Variants in TSPAN1 observed in about 807,000 individuals in gnomAD.
TSPAN1 encodes the protein tetraspanin-1.
Under a neutral mutation model 26.9 loss-of-function variants are expected in TSPAN1, and 23 were observed. The ratio of observed to expected loss-of-function variants is 0.85; its 90% CI spans 0.62 to 1.21. The LOEUF is 1.21. Ranked by LOEUF, TSPAN1 falls within the 50% of genes most tolerant of loss-of-function variation. TSPAN1 has a pLI of 0.00. For missense variants in TSPAN1, 283 were observed against 298.4 expected, an observed-to-expected ratio of 0.95 and a Z score of 0.38; for synonymous variants, 115 against 114.8, an observed-to-expected ratio of 1.00 and a Z score of -0.01.
At chr1:46,193,374 C>T in the TSPAN1 span, 7 of 1,612,866 alleles carry the variant, frequency 4.3e-6, no homozygotes, top group African/African-American at 1.3e-5. Flanking sequence ...ACAGTGCCAC[C>T]ACATCCATGG....
At chr1:46,190,118 AGAT>A (rs1657644482), downstream of TSPAN1, 1 of 825,048 alleles carries the variant, frequency 1.2e-6, no homozygotes, top group East Asian at 3.1e-5. Context: ...TTTTTTTTTG[AGAT>A]GGAGTCTTGC....
downstream of TSPAN1, chr1:46,190,656 A>G (rs1270692632): frequency 1.3e-6 from 2 of 1,548,136 alleles, no homozygotes; most frequent in Non-Finnish European, 8.9e-7. Flanking sequence ...ATTGGAAGGG[A>G]CTTTCAGGGA....
intron 2 of TSPAN1, 116 bp downstream of exon 2, chr1:46,180,774 G>A: frequency 2.8e-6 from 1 of 357,662 alleles, no homozygotes; most frequent in Non-Finnish European, 5.2e-6. Flanking sequence ...AGTGTGGGGG[G>A]GAGCACAGGA....
chr1:46,185,256 G>T lies in TSPAN1; in HGVS notation c.626G>T (p.Arg209Leu), dbSNP rs375232447. ...GCFNQLLYDI[R>L]TNAVTVGGVA... is the part of the protein sequence containing the mutation. ...TTCAATCAGCTTTTGTATGACATCC[G>T]AACTAATGCAGTCACCGTGGGTGGT... The change falls in exon 8 of 9, where the codon CGA becomes CTA. Residue 209 changes from arginine to leucine, a missense_variant. Arg to Leu is a moderately radical substitution (Grantham distance 102). Coordinates refer to ENST00000372003, the MANE Select transcript of TSPAN1 (RefSeq NM_005727.4). 1.2e-6 allele frequency: 2 copies of T among 1,614,120 alleles called. No individual in the cohort carries two copies. Among genetic ancestry groups the T allele is most frequent in the Non-Finnish European group, 1.7e-6 (2 of 1,180,026 alleles).
Position 46,178,025 on chromosome 1 carries a change from T to C in TSPAN1, c.-141-2501T>C, listed in dbSNP as rs528453653. ...TCTTATGTGCCAAGCACCAGGGCCA[T>C]AGATGAATGTAATCTGGTCCCAATT... On this transcript the variant is annotated intron_variant, in intron 1 of 8. Coordinates refer to ENST00000372003, the MANE Select transcript of TSPAN1 (RefSeq NM_005727.4). Among the ~76,000 whole-genome samples, 4 of 152,268 alleles carry C rather than the reference T, an allele frequency of 2.6e-5. No individual in the cohort carries two copies. The South Asian group carries it at 8.3e-4, about 32-fold the overall frequency.
chr1:46,184,580 T>C lies in TSPAN1; in HGVS notation c.265-14T>C, dbSNP rs762508324. ...TGTCTCTCCCTAAAACCCAGACCCC[T>C]GTTCCCCACTCAGTTCTTCTTCATC... On this transcript the variant is annotated splice_polypyrimidine_tract_variant and intron_variant, in intron 4 of 8. Transcript: ENST00000372003. 184 of 1,613,930 alleles carry C rather than the reference T, an allele frequency of 1.1e-4. No individual in the cohort carries two copies. Among genetic ancestry groups the C allele is most frequent in the Non-Finnish European group, 1.5e-4 (172 of 1,179,980 alleles).
chr1:46,188,347 TC>T (rs977339703), downstream of TSPAN1, among the ~76,000 whole-genome samples: 2 of 152,252 alleles, frequency 1.3e-5, no homozygotes, highest in Non-Finnish European at 1.5e-5. Flanking sequence ...CTCCCCAGTA[TC>T]CCTTTTTGTT....
At chr1:46,183,338 G>A (rs1657354437) in intron 3 of TSPAN1, 1 of 152,284 alleles carries the variant, frequency 6.6e-6, no homozygotes, top group South Asian at 2.1e-4. Flanking sequence ...GGGCAAACAT[G>A]CCTGGAATCC....
At chr1:46,189,952 C>T (rs866019841), downstream of TSPAN1, 3 of 1,614,140 alleles carry the variant, frequency 1.9e-6, no homozygotes, top group Non-Finnish European at 8.5e-7. Context: ...AAAGAGTCTT[C>T]ACAAGGGTTC....
At chr1:46,195,064 T>A in the TSPAN1 span, 4 of 993,728 alleles carry the variant, frequency 4.0e-6, no homozygotes, top group Non-Finnish European at 6.5e-6. Flanking sequence ...AAATAGCTCA[T>A]TACATTATTG....
chr1:46,194,417 G>A, the TSPAN1 span: 12 of 1,614,180 alleles, frequency 7.4e-6, no homozygotes, highest in Admixed American at 5.0e-5. Context: ...GGAAGGATGC[G>A]GTTGTCATGG....
chr1:46,192,089 C>T, the TSPAN1 span: 6 of 1,612,922 alleles, frequency 3.7e-6, no homozygotes, highest in Non-Finnish European at 5.1e-6. Flanking sequence ...CTCCCTGCCT[C>T]CCACTCACGT....
chr1:46,190,065 G>A, downstream of TSPAN1: 1 of 1,500,418 alleles, frequency 6.7e-7, no homozygotes, highest in Non-Finnish European at 9.2e-7. Context: ...CCTGTACTTG[G>A]TTGAATGCTC....
chr1:46,185,830 T>G lies in TSPAN1; in HGVS notation c.*297T>G. On this transcript the variant is annotated 3_prime_UTR_variant, in exon 9 of 9. Coordinates refer to ENST00000372003, the MANE Select transcript of TSPAN1 (RefSeq NM_005727.4). Reference sequence around the variant, plus strand: ...CCCTTGATATGCCCCCTAGGCCTAGTGGTGATCCCAGTGCTCTACTGGGGG... The same window carrying G: ...CCCTTGATATGCCCCCTAGGCCTAGGGGTGATCCCAGTGCTCTACTGGGGG... 2.0e-6 allele frequency: 1 copy of G among 499,724 alleles called. No homozygotes were observed. The highest frequency in any genetic ancestry group is 3.6e-6 in the Non-Finnish European group (1 of 277,584). 31.0% of individuals were successfully genotyped at this position (499,724 alleles called of 1,614,324 possible). A position where few individuals can be genotyped will look rare whatever the true frequency, so the allele number is the denominator to read the frequency against.
At chr1:46,177,469 A>C (rs377554169) in intron 1 of TSPAN1, among the ~76,000 whole-genome samples, 10 of 152,230 alleles carry the variant, frequency 6.6e-5, no homozygotes, top group Non-Finnish European at 1.3e-4. Flanking sequence ...TCTAAAGCAC[A>C]TATTTCCCCT....
At chr1:46,188,740 G>C (rs1267842600), downstream of TSPAN1, 3 of 1,609,452 alleles carry the variant, frequency 1.9e-6, no homozygotes. Flanking sequence ...TGGAAATCTG[G>C]ACAAAGAGAA....
chr1:46,184,679 G>C lies in TSPAN1; in HGVS notation c.339+11G>C. Reference sequence around the variant, plus strand: ...GTGTACACCACAATGGTGAGACACTGGGATGGAGGAAGGGAAGAAGATTGG... The same window carrying C: ...GTGTACACCACAATGGTGAGACACTCGGATGGAGGAAGGGAAGAAGATTGG... On this transcript the variant is annotated intron_variant, in intron 5 of 8. Coordinates refer to ENST00000372003, the MANE Select transcript of TSPAN1 (RefSeq NM_005727.4). The C allele has an allele frequency of 6.2e-7, 1 of 1,614,174 alleles. No homozygotes were observed. Among genetic ancestry groups the C allele is most frequent in the Non-Finnish European group, 8.5e-7 (1 of 1,180,002 alleles).
At chr1:46,179,419 C>T (rs1657259286) in intron 1 of TSPAN1, among the ~76,000 whole-genome samples, 1 of 152,146 alleles carries the variant, frequency 6.6e-6, no homozygotes, top group Non-Finnish European at 1.5e-5. Context: ...CTGTCCCTTC[C>T]TTCTAGAGCA....
chr1:46,183,078 G>C (rs770599383), intron 3 of TSPAN1, among the ~76,000 whole-genome samples: 5 of 152,164 alleles, frequency 3.3e-5, no homozygotes, highest in South Asian at 4.1e-4. Context: ...GCCTCCCAAA[G>C]TGCGGGGATT....
Sources: allele counts gnomAD v4.1 joint callset (sites outside exome capture counted in the v4.1 genomes callset), GRCh38; gene constraint gnomAD v4.1.1; transcripts MANE v1.5; gene names NCBI Gene and HGNC (gene_info 2026-07-23, HGNC 2026-07-21).